Variants in CCDC141 observed in about 807,000 individuals in gnomAD.
The protein encoded by CCDC141 is coiled-coil domain containing 141, also known as coiled-coil domain-containing protein 141.
CCDC141 carries 168 observed loss-of-function variants against 181.0 expected under a neutral mutation model. That is an observed-to-expected ratio of 0.93 (90% confidence interval 0.82 to 1.05). The LOEUF (loss-of-function observed/expected upper bound fraction) is 1.05, where lower values mean the gene tolerates loss of function less well. Among genes scored for constraint, CCDC141 ranks in the 50% least tolerant of loss-of-function variants. CCDC141 has a pLI of 0.00. For missense variants in CCDC141, 1,902 were observed against 1,788.5 expected (o/e 1.06, Z -1.14); for synonymous variants, 666 against 642.3 (o/e 1.04, Z -0.56).
Position 178,834,042 on chromosome 2 carries a change from G to A in CCDC141, c.*131C>T. On this transcript the variant is annotated 3_prime_UTR_variant, in exon 24 of 24. Transcript: ENST00000443758. Reference sequence around the variant, plus strand: ...ATTATTTCACCTAGCAGTGGTATTAGCCAAACAAGTATGGTGATCAGACTG... The same window carrying A: ...ATTATTTCACCTAGCAGTGGTATTAACCAAACAAGTATGGTGATCAGACTG... 1.1e-6 allele frequency: 1 copy of A among 924,118 alleles called. No homozygotes were observed. The highest frequency in any genetic ancestry group is 1.6e-6 in the Non-Finnish European group (1 of 627,828). 57.2% of individuals were successfully genotyped at this position (924,118 alleles called of 1,614,324 possible). A position where few individuals can be genotyped will look rare whatever the true frequency, so the allele number is the denominator to read the frequency against.
intron 2 of CCDC141, among the ~76,000 whole-genome samples, chr2:178,989,441 A>T (rs1448757720): frequency 2.0e-5 from 3 of 151,606 alleles, no homozygotes; most frequent in Non-Finnish European, 4.4e-5. Flanking sequence ...TAAAAATTCA[A>T]AAATTAGCCA....
At chr2:178,950,752 G>A (rs771515110) in intron 5 of CCDC141, among the ~76,000 whole-genome samples, 5 of 152,014 alleles carry the variant, frequency 3.3e-5, no homozygotes, top group African/African-American at 7.3e-5. Flanking sequence ...ATCAAATCCC[G>A]GTATTCTCTG....
chr2:178,924,836 G>A (rs1450244806), intron 6 of CCDC141, among the ~76,000 whole-genome samples: 1 of 152,154 alleles, frequency 6.6e-6, no homozygotes, highest in Non-Finnish European at 1.5e-5. Context: ...CCAGACATAT[G>A]GTAGAAAATC....
chr2:178,967,299 G>T (rs563129510), intron 4 of CCDC141, among the ~76,000 whole-genome samples: 8 of 152,064 alleles, frequency 5.3e-5, no homozygotes, highest in Non-Finnish European at 8.8e-5. Context: ...GACACATAAT[G>T]GTCAGATTCA....
intron 4 of CCDC141, among the ~76,000 whole-genome samples, chr2:178,974,291 C>T (rs79823654): frequency 6.6e-6 from 1 of 152,138 alleles, no homozygotes; most frequent in African/African-American, 2.4e-5. Flanking sequence ...TTCAAGAAAC[C>T]TTTCTATCCA....
chr2:178,984,781 A>G (rs2154381570), intron 2 of CCDC141, among the ~76,000 whole-genome samples: 1 of 152,024 alleles, frequency 6.6e-6, no homozygotes, highest in Admixed American at 6.6e-5. Flanking sequence ...CTAAATATAT[A>G]TGCACCCAAT....
chr2:178,822,814 A>G, the CCDC141 span, among the ~76,000 whole-genome samples: 1 of 152,216 alleles, frequency 6.6e-6, no homozygotes, highest in Non-Finnish European at 1.5e-5. Flanking sequence ...ATTTAAAACA[A>G]AAGTGAAGAT....
At chr2:178,985,803 G>T (rs377579626) in intron 2 of CCDC141, among the ~76,000 whole-genome samples, 239 of 151,962 alleles carry the variant, frequency 1.6e-3, no homozygotes, top group African/African-American at 5.5e-3. Flanking sequence ...AATAACAGGA[G>T]CTGAAATTGT....
chr2:178,905,288 A>G, intron 8 of CCDC141, 41 bp downstream of exon 8: 2 of 1,497,286 alleles, frequency 1.3e-6, no homozygotes, highest in Non-Finnish European at 1.8e-6. Flanking sequence ...GGAAACTGTG[A>G]AAAAGCTTGT....
chr2:178,839,630 G>A (rs1460944360), intron 22 of CCDC141, among the ~76,000 whole-genome samples: 3 of 138,074 alleles, frequency 2.2e-5, no homozygotes, highest in Non-Finnish European at 4.7e-5. Flanking sequence ...TTGAAGAGTC[G>A]AAGCAAAGCA....
rs990983650 is a variant in CCDC141, at chr2:178,837,539, A to G, written c.3680T>C (p.Leu1227Pro). Residue 1227 changes from leucine (L) to proline (P), a missense_variant, in exon 23 of 24, where the codon CTT (leucine) becomes CCT (proline). By Grantham distance (98) the Leu-to-Pro change is moderately conservative (BLOSUM62 -3). Transcript: ENST00000443758. ...TTCCACCTCCATGTCAGATGGTGCA[A>G]GAGGGGACTCAGGGCTTCCTGGGAG... ...PPLPGSPESP[L>P]APSDMEVEEP... The G allele has an allele frequency of 1.2e-6, 2 of 1,613,874 alleles. No homozygotes were observed. Among genetic ancestry groups the G allele is most frequent in the Admixed American group, 3.3e-5 (2 of 59,982 alleles).
Position 179,015,067 on chromosome 2 carries a change from GATATATATATATAT to G in CCDC141, c.225+32203_225+32216del, listed in dbSNP as rs1177070237. On this transcript the variant is annotated intron_variant, in intron 2 of 23. Coordinates refer to ENST00000443758, the MANE Select transcript of CCDC141 (RefSeq NM_173648.4). ...GTGGATAAACTGTGAGAGAGACAGA[GATATATATATATAT>G]ATATATATATATATATATATATAAT... Among the ~76,000 whole-genome samples, 206 of 39,602 alleles carry G rather than the reference GATATATATATATAT, an allele frequency of 5.2e-3. 8 individuals are homozygous for G. The highest frequency in any genetic ancestry group is 0.012 in the African/African-American group (191 of 15,402). The allele number at this position is 39,602 out of a possible 152,430, so 26.0% of individuals were successfully genotyped here.
At chr2:178,882,095 G>A (rs73041922) in intron 11 of CCDC141, among the ~76,000 whole-genome samples, 10,755 of 152,086 alleles carry the variant, frequency 0.071, 653 homozygotes, top group South Asian at 0.17. Context: ...AGGATGGCCA[G>A]GTGTGGGAAC....
At chr2:179,030,815 C>A (rs16823537) in intron 2 of CCDC141, among the ~76,000 whole-genome samples, 15,296 of 152,046 alleles carry the variant, frequency 0.1, 1,161 homozygotes, top group Admixed American at 0.2. Context: ...TGCCTTCAAA[C>A]ATTTGCTACT....
intron 20 of CCDC141, among the ~76,000 whole-genome samples, chr2:178,850,551 C>T (rs542638937): frequency 7.9e-5 from 12 of 152,278 alleles, no homozygotes; most frequent in African/African-American, 2.9e-4. Context: ...AAATGTATGT[C>T]ACTCTAGTTC....
Position 178,885,057 on chromosome 2 carries a change from G to A in CCDC141, c.1563C>T (p.Thr521=), listed in dbSNP as rs1054668853. ...TSHELEAAAK[T]MMEKNEFVSD... ...ATACAAATTCATTTTTCTCCATCATGGTTTTTGCAGCTGCTTCTAATTCAT... is the reference window on the plus strand; with the variant it reads ...ATACAAATTCATTTTTCTCCATCATAGTTTTTGCAGCTGCTTCTAATTCAT... Residue 521 remains threonine (T), a synonymous_variant, in exon 11 of 24, where the codon ACC becomes ACT. Coordinates refer to ENST00000443758, the MANE Select transcript of CCDC141 (RefSeq NM_173648.4). 2 of 1,549,790 alleles carry A rather than the reference G, an allele frequency of 1.3e-6. No homozygotes were observed. The highest frequency in any genetic ancestry group is 1.4e-5 in the African/African-American group (1 of 72,982).
intron 2 of CCDC141, among the ~76,000 whole-genome samples, chr2:179,033,326 A>G (rs2043052547): frequency 1.3e-5 from 2 of 152,100 alleles, no homozygotes; most frequent in East Asian, 3.8e-4. Flanking sequence ...TAAGTCATCT[A>G]TAGATGATTT....
intron 6 of CCDC141, among the ~76,000 whole-genome samples, chr2:178,927,757 A>G (rs1361034515): frequency 6.6e-6 from 1 of 152,136 alleles, no homozygotes; most frequent in African/African-American, 2.4e-5. Context: ...ATATAAAGTG[A>G]ATAGGAGATA....
At chr2:178,986,674 C>T (rs1157133639) in intron 2 of CCDC141, among the ~76,000 whole-genome samples, 2 of 151,740 alleles carry the variant, frequency 1.3e-5, no homozygotes, top group Non-Finnish European at 2.9e-5. Context: ...ACACCAACAA[C>T]AGACAAACAG....
Sources: gnomAD v4.1 joint callset for allele counts (sites outside exome capture counted in the v4.1 genomes callset) on GRCh38, gnomAD v4.1.1 for gene constraint, MANE v1.5 for transcripts, NCBI Gene and HGNC (gene_info 2026-07-23, HGNC 2026-07-21) for gene names.